The following LEF1 variants were observed in gnomAD, a reference collection of about 807,000 sequenced individuals.
LEF1 encodes the protein lymphoid enhancer binding factor 1.
A neutral mutation model predicts 51.2 loss-of-function variants in LEF1; 14 were observed. That is an observed-to-expected ratio of 0.27 (90% CI 0.18 to 0.43). The LOEUF (loss-of-function observed/expected upper bound fraction) is 0.43, where lower values mean the gene tolerates loss of function less well. Among genes scored for constraint, LEF1 ranks in the 20% least tolerant of loss-of-function variants. LEF1 has a pLI of 1.00. For synonymous variants in LEF1, 185 were observed against 183.2 expected (o/e 1.01, Z -0.08); for missense variants, 386 against 512.0 (o/e 0.75, Z 2.37).
chr4:108,138,190 T>G (rs1272768026), intron 3 of LEF1, among the ~76,000 whole-genome samples: 1 of 152,150 alleles, frequency 6.6e-6, no homozygotes, highest in African/African-American at 2.4e-5. Flanking sequence ...ATTTCGAATA[T>G]CAAATATGTA....
At chr4:108,144,512 T>C (rs1361342057) in intron 3 of LEF1, among the ~76,000 whole-genome samples, 3 of 152,224 alleles carry the variant, frequency 2.0e-5, no homozygotes, top group African/African-American at 7.2e-5. Flanking sequence ...AACATGCTCA[T>C]GAAAGACTGA....
chr4:108,075,300 C>G (rs762231310), intron 8 of LEF1: 1 of 152,232 alleles, frequency 6.6e-6, no homozygotes, highest in African/African-American at 2.4e-5. Flanking sequence ...CTGCTTCCCT[C>G]CTGTTCACAT....
intron 3 of LEF1, among the ~76,000 whole-genome samples, chr4:108,113,435 C>T (rs1413949173): frequency 6.6e-6 from 1 of 152,216 alleles, no homozygotes; most frequent in East Asian, 1.9e-4. Context: ...CAAACCCACA[C>T]ACAAAGAAAT....
intron 3 of LEF1, among the ~76,000 whole-genome samples, chr4:108,125,585 A>G (rs952318355): frequency 3.3e-5 from 5 of 152,234 alleles, no homozygotes; most frequent in African/African-American, 1.2e-4. Context: ...TTTACTGAAT[A>G]AATTAATGAA....
intron 8 of LEF1, among the ~76,000 whole-genome samples, chr4:108,077,381 G>C (rs80318351): frequency 2.0e-5 from 3 of 151,614 alleles, no homozygotes; most frequent in African/African-American, 7.3e-5. Flanking sequence ...GCCCTGTCTG[G>C]GAGGTGAGGG....
intron 3 of LEF1, among the ~76,000 whole-genome samples, chr4:108,096,654 C>A (rs1400120811): frequency 6.6e-6 from 1 of 152,054 alleles, no homozygotes; most frequent in East Asian, 1.9e-4. Flanking sequence ...GAGGAGACAA[C>A]CCACAGCATG....
At chr4:108,065,503 A>G (rs1483221739) in intron 9 of LEF1, among the ~76,000 whole-genome samples, 2 of 151,954 alleles carry the variant, frequency 1.3e-5, no homozygotes, top group Non-Finnish European at 2.9e-5. Context: ...AAATAATAAC[A>G]ATCTTGAAAG....
At chr4:108,111,160 C>CA (rs1158016026) in intron 3 of LEF1, among the ~76,000 whole-genome samples, 2 of 152,192 alleles carry the variant, frequency 1.3e-5, no homozygotes, top group African/African-American at 4.8e-5. Flanking sequence ...GTTAATGATG[C>CA]AAACAGAGCC....
intron 4 of LEF1, among the ~76,000 whole-genome samples, chr4:108,084,613 A>G (rs964106340): frequency 6.6e-6 from 1 of 152,234 alleles, no homozygotes; most frequent in Non-Finnish European, 1.5e-5. Flanking sequence ...CTATTTCTCA[A>G]TTCTTACAGA....
chr4:108,079,217 G>A (rs1739119544), intron 7 of LEF1, among the ~76,000 whole-genome samples: 1 of 43,622 alleles, frequency 2.3e-5, no homozygotes, highest in Admixed American at 3.8e-4. Flanking sequence ...CTAAACAGCT[G>A]AAGAGTCTCG....
At chr4:108,103,110 T>G (rs559194596) in intron 3 of LEF1, among the ~76,000 whole-genome samples, 1 of 152,238 alleles carries the variant, frequency 6.6e-6, no homozygotes, top group Non-Finnish European at 1.5e-5. Flanking sequence ...AAAGTTGACC[T>G]AGAGTGGGCC....
intron 4 of LEF1, among the ~76,000 whole-genome samples, chr4:108,086,829 T>TACACACACACACTTACACACAC (rs1739678002): frequency 2.0e-5 from 3 of 149,320 alleles, no homozygotes; most frequent in Non-Finnish European, 4.5e-5. Context: ...CACACACACT[T>TACACACACACACTTACACACAC]ACACACACAC....
At chr4:108,138,489 G>T (rs927698584) in intron 3 of LEF1, among the ~76,000 whole-genome samples, 4 of 129,544 alleles carry the variant, frequency 3.1e-5, no homozygotes, top group African/African-American at 1.1e-4. Flanking sequence ...ATATGTACAG[G>T]TGTGTATGTG....
intron 8 of LEF1, among the ~76,000 whole-genome samples, chr4:108,077,375 T>C (rs55827069): frequency 0.013 from 1,424 of 113,622 alleles, 9 homozygotes; most frequent in African/African-American, 0.021. Context: ...GCTGCCGCCC[T>C]GTCTGGGAGG....
chr4:108,085,594 G>C (rs1278290339), intron 4 of LEF1, among the ~76,000 whole-genome samples: 2 of 152,198 alleles, frequency 1.3e-5, no homozygotes, highest in Non-Finnish European at 2.9e-5. Context: ...TAGTGATACT[G>C]TTCAGAAGTG....
At chr4:108,130,236 C>A (rs1169926931) in intron 3 of LEF1, among the ~76,000 whole-genome samples, 1 of 152,110 alleles carries the variant, frequency 6.6e-6, no homozygotes, top group Non-Finnish European at 1.5e-5. Flanking sequence ...GTGACCAGAA[C>A]CAGTTATTTA....
intron 3 of LEF1, among the ~76,000 whole-genome samples, chr4:108,097,074 C>T (rs1332324005): frequency 6.6e-6 from 1 of 152,176 alleles, no homozygotes. Flanking sequence ...TATTATCTAA[C>T]AATCCCACTG....
chr4:108,117,482 A>T (rs965847786), intron 3 of LEF1, among the ~76,000 whole-genome samples: 3 of 152,230 alleles, frequency 2.0e-5, no homozygotes, highest in Non-Finnish European at 2.9e-5. Flanking sequence ...AGCCACCCCC[A>T]AACAGGTGTT....
chr4:108,158,722 TA>T (rs879335332), intron 3 of LEF1, among the ~76,000 whole-genome samples: 337 of 144,388 alleles, frequency 2.3e-3, no homozygotes, highest in African/African-American at 5.7e-3. Flanking sequence ...TAAAGAACAT[TA>T]AAAAAAAAAA....
Sources: allele counts gnomAD v4.1 joint callset (sites outside exome capture counted in the v4.1 genomes callset), GRCh38; gene constraint gnomAD v4.1.1; transcripts MANE v1.5; gene names NCBI Gene and HGNC (gene_info 2026-07-23, HGNC 2026-07-21).